CHIA: variants seen among roughly 807,000 people sequenced by gnomAD.
CHIA encodes the protein acidic mammalian chitinase.
A neutral mutation model predicts 53.5 loss-of-function variants in CHIA; 47 were observed. That is an observed-to-expected ratio of 0.88 (90% CI 0.70 to 1.12). The LOEUF (loss-of-function observed/expected upper bound fraction) is 1.12, where lower values mean the gene tolerates loss of function less well. Ranked by LOEUF, CHIA falls within the 50% of genes most tolerant of loss-of-function variation. The probability of loss-of-function intolerance (pLI) is 0.00; values close to 1 mark genes in which losing one functional copy is unlikely to be tolerated. For missense variants in CHIA, 652 were observed against 592.2 expected (o/e 1.10, Z -1.05); for synonymous variants, 268 against 222.2 (o/e 1.21, Z -1.83).
rs1649556409 is a variant in CHIA, at chr1:111,320,306, C to CG, written c.1274dup (p.Gly426ArgfsTer18). 6.2e-7 allele frequency: 1 copy of CG among 1,614,028 alleles called. No homozygotes were observed. Among genetic ancestry groups the CG allele is most frequent in the Non-Finnish European group, 8.5e-7 (1 of 1,180,024 alleles). On this transcript the variant is annotated frameshift_variant, in exon 12 of 12. Coordinates refer to ENST00000369740, the MANE Select transcript of CHIA (RefSeq NM_201653.4). LOFTEE classifies it low-confidence loss of function (END_TRUNC). ...GGGAGTAGCAGCTCTGGAGGCAGCT[C>CG]GGGAGGCAGTGGATTCTGTGCTGTC...
chr1:111,301,745 G>T (rs971453689), intron 1 of CHIA, among the ~76,000 whole-genome samples: 3 of 148,950 alleles, frequency 2.0e-5, no homozygotes, highest in Non-Finnish European at 4.4e-5. Flanking sequence ...CCTGTCCTTT[G>T]CAGGGACATG....
intron 1 of CHIA, among the ~76,000 whole-genome samples, chr1:111,291,511 A>G (rs4838900): frequency 0.53 from 62,796 of 118,150 alleles, 14,277 homozygotes; most frequent in East Asian, 0.76. Flanking sequence ...GAGCCAGCTG[A>G]GGGGTTGGGG....
intron 11 of CHIA, 130 bp downstream of exon 11, chr1:111,319,598 A>G: frequency 2.4e-6 from 2 of 843,934 alleles, no homozygotes; most frequent in Non-Finnish European, 1.9e-6. Flanking sequence ...GCTCTTGCCC[A>G]GATGAGAGAC....
chr1:111,320,120 C>CA, intron 11 of CHIA, 93 bp from the exon 12 acceptor site: 1 of 1,194,064 alleles, frequency 8.4e-7, no homozygotes. Flanking sequence ...ACCCCACCTC[C>CA]ACACTTCCAC....
In CHIA at chr1:111,315,406, G is replaced by A; in HGVS notation, c.451G>A (p.Asp151Asn). 1 of 1,614,118 alleles carries A rather than the reference G, an allele frequency of 6.2e-7. No individual in the cohort carries two copies. Among genetic ancestry groups the A allele is most frequent in the Non-Finnish European group, 8.5e-7 (1 of 1,179,994 alleles). Residue 151 changes from aspartate (D) to asparagine (N), a missense_variant, in exon 6 of 12, where the codon GAC (aspartate) becomes AAC (asparagine). Transcript: ENST00000369740. Reference protein sequence around the residue: ...YPGSRGSPPQDKHLFTVLVQE... With the variant: ...YPGSRGSPPQNKHLFTVLVQE... ...TGGCTCTCGTGGGAGCCCTCCTCAG[G>A]ACAAGCATCTCTTCACTGTCCTGGT...
intron 2 of CHIA, 50 bp downstream of exon 2, chr1:111,310,542 C>T: frequency 6.2e-7 from 1 of 1,612,996 alleles, no homozygotes; most frequent in Non-Finnish European, 8.5e-7. Flanking sequence ...GTTTCTTTTT[C>T]TCTCACAGGC....
intron 1 of CHIA, among the ~76,000 whole-genome samples, chr1:111,301,958 A>T (rs1167378109): frequency 2.6e-5 from 4 of 152,192 alleles, no homozygotes; most frequent in African/African-American, 9.7e-5. Context: ...AATGTAAATG[A>T]CAAGTTATTG....
intron 1 of CHIA, among the ~76,000 whole-genome samples, chr1:111,294,396 T>A (rs1181822962): frequency 3.3e-5 from 5 of 152,236 alleles, no homozygotes; most frequent in African/African-American, 1.2e-4. Context: ...TTGATTTTTG[T>A]GTTGACTTTG....
intron 1 of CHIA, among the ~76,000 whole-genome samples, chr1:111,305,606 A>T (rs1213268788): frequency 2.6e-5 from 4 of 152,218 alleles, no homozygotes; most frequent in African/African-American, 9.6e-5. Context: ...CAATTTACCT[A>T]CGAAGCTTTC....
Position 111,318,108 on chromosome 1 carries a change from T to G in CHIA, c.728T>G (p.Val243Gly). The change falls in exon 8 of 12, where the codon GTG becomes GGG. Residue 243 changes from valine to glycine, a missense_variant and splice_region_variant. Physicochemically the swap from Val to Gly is moderately radical, Grantham distance 109. Transcript: ENST00000369740. ...ACCGGCAGCAACGCCTACCTCAATG[T>G]GGTGAGTCCCTGTACAGATGCAAGA... ...TDTGSNAYLNVDYVMNYWKDN... is the reference protein window; with the variant it reads ...TDTGSNAYLNGDYVMNYWKDN... 1 of 1,610,972 alleles carries G rather than the reference T, an allele frequency of 6.2e-7. No individual in the cohort carries two copies. Among genetic ancestry groups the G allele is most frequent in the Non-Finnish European group, 8.5e-7 (1 of 1,177,200 alleles).
chr1:111,305,418 A>G (rs768336906), intron 1 of CHIA, among the ~76,000 whole-genome samples: 10 of 152,218 alleles, frequency 6.6e-5, no homozygotes, highest in Admixed American at 2.0e-4. Context: ...GCAATCAGTG[A>G]TAAGAGCACA....
At chr1:111,293,932 A>G (rs982332742) in intron 1 of CHIA, among the ~76,000 whole-genome samples, 3 of 152,170 alleles carry the variant, frequency 2.0e-5, no homozygotes, top group Admixed American at 6.5e-5. Context: ...ATACAAAAAA[A>G]TTAGCCAGGC....
At chr1:111,319,587 C>A (rs79475165) in intron 11 of CHIA, 119 bp downstream of exon 11, 1 of 911,496 alleles carries the variant, frequency 1.1e-6, no homozygotes, top group Non-Finnish European at 1.7e-6. Context: ...TTCACCTCAC[C>A]GCTCTTGCCC....
intron 1 of CHIA, among the ~76,000 whole-genome samples, chr1:111,297,609 C>G (rs1436117158): frequency 6.6e-6 from 1 of 152,120 alleles, no homozygotes; most frequent in Admixed American, 6.5e-5. Context: ...TGGTACCAGC[C>G]ACTACAAAAA....
At chr1:111,304,944 T>A (rs1193171178) in intron 1 of CHIA, among the ~76,000 whole-genome samples, 1 of 152,172 alleles carries the variant, frequency 6.6e-6, no homozygotes, top group Non-Finnish European at 1.5e-5. Context: ...TTTTTTATTT[T>A]TTAGAGATGT....
intron 1 of CHIA, among the ~76,000 whole-genome samples, chr1:111,297,900 G>GAAAAAAAA (rs1647310787): frequency 6.4e-4 from 8 of 12,516 alleles, no homozygotes; most frequent in African/African-American, 1.4e-3. Context: ...CAAATGGAAA[G>GAAAAAAAA]CAAAAAAAAA....
chr1:111,304,352 T>C (rs1294489116), intron 1 of CHIA, among the ~76,000 whole-genome samples: 1 of 152,314 alleles, frequency 6.6e-6, no homozygotes, highest in Middle Eastern at 3.4e-3. Context: ...TTTATTTTTC[T>C]TGAATTCCCA....
intron 1 of CHIA, among the ~76,000 whole-genome samples, chr1:111,309,435 T>C (rs1557740706): frequency 6.6e-6 from 1 of 152,180 alleles, no homozygotes; most frequent in Non-Finnish European, 1.5e-5. Flanking sequence ...ACAGAAAATA[T>C]GTGCTAGAGT....
chr1:111,307,085 A>C lies in CHIA; in HGVS notation c.-68-3315A>C, dbSNP rs371135712. On this transcript the variant is annotated intron_variant, in intron 1 of 11. Coordinates refer to ENST00000369740, the MANE Select transcript of CHIA (RefSeq NM_201653.4). ...ATATGCATGTGTTATTTCACTGGGCAATTCCATTCCTAGGTGTAAACACTG... is the reference window on the plus strand; with the variant it reads ...ATATGCATGTGTTATTTCACTGGGCCATTCCATTCCTAGGTGTAAACACTG... Among the ~76,000 whole-genome samples, 137 of 152,358 alleles carry C rather than the reference A, an allele frequency of 9.0e-4. No homozygotes were observed. The Middle Eastern group carries it at 0.01, about 11-fold the overall frequency.
Sources: gnomAD v4.1 joint callset for allele counts (sites outside exome capture counted in the v4.1 genomes callset) on GRCh38, gnomAD v4.1.1 for gene constraint, MANE v1.5 for transcripts, NCBI Gene and HGNC (gene_info 2026-07-23, HGNC 2026-07-21) for gene names.